Variants in TRPV5 observed in about 807,000 individuals in gnomAD.
TRPV5 encodes the protein calcium transport protein 2.
In TRPV5, 66 loss-of-function variants were observed where a neutral mutation model predicts 74.1. The observed-to-expected ratio is 0.89, with a 90% CI of 0.73 to 1.09. TRPV5 has a LOEUF of 1.09. Among genes scored for constraint, TRPV5 ranks in the 50% least tolerant of loss-of-function variants. The pLI is 0.00. For synonymous variants in TRPV5, 399 were observed against 360.7 expected, an observed-to-expected ratio of 1.11 and a Z score of -1.20; for missense variants, 936 against 930.4, an observed-to-expected ratio of 1.01 and a Z score of -0.08.
At chr7:142,925,413 G>A in intron 8 of TRPV5, 116 bp downstream of exon 8, 1 of 1,046,350 alleles carries the variant, frequency 9.6e-7, no homozygotes. Flanking sequence ...GGGTGTTTAG[G>A]AGCCTACACC....
chr7:142,925,391 TA>T lies in TRPV5; in HGVS notation c.1122+137del, dbSNP rs1795966398. ...ATCTGTGGCCTCCTGGTCTCATGTCTAATTTCTACCTGGGTGTTTAGGAGCC... is the reference window on the plus strand; with the variant it reads ...ATCTGTGGCCTCCTGGTCTCATGTCTATTTCTACCTGGGTGTTTAGGAGCC... On this transcript the variant is annotated intron_variant, in intron 8 of 14. Coordinates refer to ENST00000265310, the MANE Select transcript of TRPV5 (RefSeq NM_019841.7). The T allele has an allele frequency of 3.7e-6, 3 of 807,012 alleles. No homozygotes were observed. In the East Asian group the frequency reaches 8.0e-5, roughly 21 times the overall value. The allele number at this position is 807,012 out of a possible 1,614,324, so 50.0% of individuals were successfully genotyped here. A position where few individuals can be genotyped will look rare whatever the true frequency, so the allele number is the denominator to read the frequency against.
chr7:142,918,749 G>A (rs1246373302), intron 8 of TRPV5, among the ~76,000 whole-genome samples: 1 of 152,212 alleles, frequency 6.6e-6, no homozygotes, highest in African/African-American at 2.4e-5. Flanking sequence ...TCCCCTGTGA[G>A]TAAGACATGG....
chr7:142,930,443 A>C lies in TRPV5; in HGVS notation c.132T>G (p.Ile44Met), dbSNP rs1419441300. ...DKLHMLQQKR[I>M]LESPLLRASK... ...ATGCTCGAAGCAGTGGAGACTCTAG[A>C]ATCCTGGGGAAAGGTGAACGTGAGT... The change falls in exon 2 of 15, where the codon ATT becomes ATG. Residue 44 changes from isoleucine to methionine, a missense_variant. Coordinates refer to ENST00000265310, the MANE Select transcript of TRPV5 (RefSeq NM_019841.7). The C allele has an allele frequency of 6.2e-7, 1 of 1,613,158 alleles. No individual in the cohort carries two copies. The highest frequency in any genetic ancestry group is 8.5e-7 in the Non-Finnish European group (1 of 1,179,060).
intron 1 of TRPV5, among the ~76,000 whole-genome samples, chr7:142,933,022 A>G (rs1796121651): frequency 6.6e-6 from 1 of 151,672 alleles, no homozygotes; most frequent in South Asian, 2.1e-4. Context: ...TTCCCTCCCC[A>G]TCCCACACAA....
In TRPV5 at chr7:142,930,151, C is replaced by T. The variant is rs200517816; in HGVS notation, c.256G>A (p.Ala86Thr). ...GALGETALHI[A>T]ALYDNLEAAL... The stretch of plus-strand genomic sequence containing the variant: ...GCCTCCAAGTTGTCATAGAGGGCTG[C>T]TATGTGCAGCGCCGTCTCCCCCAGG... Residue 86 changes from alanine (A) to threonine (T), a missense_variant, in exon 3 of 15, where the codon GCA becomes ACA. Transcript: ENST00000265310. 1 of 1,614,158 alleles carries T rather than the reference C, an allele frequency of 6.2e-7. No individual in the cohort carries two copies. The highest frequency in any genetic ancestry group is 1.7e-5 in the Admixed American group (1 of 60,010).
intron 1 of TRPV5, among the ~76,000 whole-genome samples, chr7:142,931,787 C>T (rs1343134641): frequency 3.9e-5 from 6 of 152,042 alleles, no homozygotes; most frequent in South Asian, 2.1e-4. Context: ...CTGCAACTTC[C>T]GCCTCCTGGG....
At chr7:142,929,965 C>A in intron 3 of TRPV5, 93 bp downstream of exon 3, 2 of 1,593,082 alleles carry the variant, frequency 1.3e-6, no homozygotes, top group Non-Finnish European at 1.7e-6. Flanking sequence ...CATCACCCCA[C>A]CCCAACCCAT....
chr7:142,925,832 A>G (rs1016225269), intron 7 of TRPV5, 91 bp from the exon 8 acceptor site: 80 of 1,070,978 alleles, frequency 7.5e-5, no homozygotes, highest in African/African-American at 1.3e-4. Context: ...GGCAGCAACC[A>G]TCACTCACTC....
chr7:142,909,710 G>A (rs1469687570), intron 13 of TRPV5, 114 bp from the exon 14 acceptor site: 5 of 1,123,924 alleles, frequency 4.4e-6, no homozygotes, highest in Non-Finnish European at 5.1e-6. Context: ...GGACACTAGA[G>A]GTCAGTGGTG....
rs1198086936 is a variant in TRPV5, at chr7:142,925,642, G to GGT, written c.1007_1008dup (p.Leu337ThrfsTer5). ...GTAGTAAAGCAGATCATGTAGAGCAGGTACAAGGCAGCCAGGATGCAGAAG... is the reference window on the plus strand; with the variant it reads ...GTAGTAAAGCAGATCATGTAGAGCAGGTGTACAAGGCAGCCAGGATGCAGAAG... On this transcript the variant is annotated frameshift_variant, in exon 8 of 15. Coordinates refer to ENST00000265310, the MANE Select transcript of TRPV5 (RefSeq NM_019841.7). LOFTEE classifies it high-confidence loss of function. The GGT allele has an allele frequency of 6.2e-7, 1 of 1,614,206 alleles. No individual in the cohort carries two copies. Among genetic ancestry groups the GGT allele is most frequent in the East Asian group, 2.2e-5 (1 of 44,882 alleles).
intron 1 of TRPV5, 136 bp from the exon 2 acceptor site, chr7:142,930,582 C>T (rs1375998588): frequency 1.4e-6 from 1 of 712,086 alleles, no homozygotes; most frequent in Non-Finnish European, 2.5e-6. Context: ...GAAGTGCCTA[C>T]TGGACTCGAA....
intron 8 of TRPV5, among the ~76,000 whole-genome samples, chr7:142,921,350 C>T (rs187017859): frequency 3.2e-4 from 48 of 152,240 alleles, no homozygotes; most frequent in African/African-American, 9.4e-4. Flanking sequence ...GGCGTGATCT[C>T]GGCTCACTGC....
chr7:142,914,306 C>T (rs1334814181), intron 12 of TRPV5, among the ~76,000 whole-genome samples: 1 of 152,122 alleles, frequency 6.6e-6, no homozygotes, highest in African/African-American at 2.4e-5. Flanking sequence ...TTCTGAGATC[C>T]ATGACTGGCC....
intron 3 of TRPV5, among the ~76,000 whole-genome samples, 177 bp from the exon 4 acceptor site, chr7:142,929,742 AT>A (rs923263357): frequency 7.2e-5 from 11 of 152,164 alleles, no homozygotes; most frequent in Admixed American, 5.9e-4. Flanking sequence ...TGCCCTGCTC[AT>A]TGACCTACCC....
Position 142,929,104 on chromosome 7 carries a change from G to T in TRPV5, c.504C>A (p.Ser168=). 6.2e-7 allele frequency: 1 copy of T among 1,614,076 alleles called. No individual in the cohort carries two copies. The highest frequency in any genetic ancestry group is 8.5e-7 in the Non-Finnish European group (1 of 1,180,004). ...CCTCGCTGTTCACACAGGCAGCAAA[G>T]GACAAAGGGTGCTCCCCTGTGGACA... ...NLIYFGEHPL[S]FAACVNSEEI... The change falls in exon 5 of 15, where the codon TCC becomes TCA. Residue 168 remains serine (S), a synonymous_variant. Coordinates refer to ENST00000265310, the MANE Select transcript of TRPV5 (RefSeq NM_019841.7).
Position 142,933,331 on chromosome 7 carries a change from C to T in TRPV5, c.128+1G>A, listed in dbSNP as rs1796127703. On this transcript the variant is annotated splice_donor_variant, in intron 1 of 14. Transcript: ENST00000265310. LOFTEE classifies it high-confidence loss of function. ...GCCACGGATCGTTCTAGGAAGCCTACCTCTTCTGCTGCAGCATATGAAGCT... is the reference window on the plus strand; with the variant it reads ...GCCACGGATCGTTCTAGGAAGCCTATCTCTTCTGCTGCAGCATATGAAGCT... The T allele has an allele frequency of 6.2e-7, 1 of 1,613,378 alleles. No homozygotes were observed. The highest frequency in any genetic ancestry group is 8.5e-7 in the Non-Finnish European group (1 of 1,179,856).
At position 142,915,351 on chromosome 7, in the gene TRPV5, G is replaced by T; in HGVS notation, c.1242C>A (p.Arg414=). ...CCCCAAGAATCGTCTTTCCAAAATA[G>T]CGAGAGGCACCAACCCTGAAGATGT... The part of the protein sequence containing the change: ...IPDIFRVGAS[R]YFGKTILGGP... Residue 414 remains arginine, a synonymous_variant, in exon 10 of 15, where the codon CGC becomes CGA. Transcript: ENST00000265310. 1 of 1,607,342 alleles carries T rather than the reference G, an allele frequency of 6.2e-7. No homozygotes were observed. The highest frequency in any genetic ancestry group is 8.5e-7 in the Non-Finnish European group (1 of 1,178,422).
At chr7:142,932,733 C>T (rs1379876103) in intron 1 of TRPV5, among the ~76,000 whole-genome samples, 1 of 152,168 alleles carries the variant, frequency 6.6e-6, no homozygotes, top group African/African-American at 2.4e-5. Context: ...ACTAAGAGCT[C>T]TCCAGGAGCA....
intron 8 of TRPV5, chr7:142,925,176 G>C (rs942464835): frequency 6.2e-6 from 3 of 484,306 alleles, no homozygotes; most frequent in Non-Finnish European, 1.1e-5. Flanking sequence ...AATGGACTTG[G>C]AGCACAATTT....
Sources: gnomAD v4.1 joint callset for allele counts (sites outside exome capture counted in the v4.1 genomes callset) on GRCh38, gnomAD v4.1.1 for gene constraint, MANE v1.5 for transcripts, NCBI Gene and HGNC (gene_info 2026-07-23, HGNC 2026-07-21) for gene names.